The following BPIFC variants were observed in gnomAD, a reference collection of about 807,000 sequenced individuals.
BPIFC encodes BPI fold containing family C, also known as BPI fold-containing family C protein.
A neutral mutation model predicts 57.6 loss-of-function variants in BPIFC; 60 were observed. That is an observed-to-expected ratio of 1.04 (90% CI 0.85 to 1.29). The LOEUF (loss-of-function observed/expected upper bound fraction) is 1.29. Ranked by LOEUF, BPIFC falls within the 50% of genes most tolerant of loss-of-function variation. The pLI is 0.00. For missense variants in BPIFC, 581 were observed against 600.5 expected (o/e 0.97, Z 0.34); for synonymous variants, 243 against 224.5 (o/e 1.08, Z -0.74).
intron 15 of BPIFC, among the ~76,000 whole-genome samples, chr22:32,416,772 C>A (rs932660849): frequency 6.6e-6 from 1 of 152,132 alleles, no homozygotes; most frequent in Admixed American, 6.6e-5. Context: ...ATCTCGTTTC[C>A]GGTTGACTGG....
intron 13 of BPIFC, among the ~76,000 whole-genome samples, chr22:32,424,589 CTT>C (rs1933946174): frequency 1.1e-5 from 1 of 87,660 alleles, no homozygotes; most frequent in Non-Finnish European, 2.1e-5. Context: ...TCTTCTTCTT[CTT>C]CTTCTTCTTC....
intron 1 of BPIFC, among the ~76,000 whole-genome samples, chr22:32,462,123 T>C (rs146965412): frequency 0.04 from 5,410 of 136,818 alleles, 346 homozygotes; most frequent in African/African-American, 0.14. Context: ...TGAGCCAAGA[T>C]TGTGCCACTG....
intron 15 of BPIFC, among the ~76,000 whole-genome samples, chr22:32,416,410 T>A (rs1365298863): frequency 6.6e-6 from 1 of 152,190 alleles, no homozygotes; most frequent in East Asian, 1.9e-4. Context: ...GTTGATCTTT[T>A]CATTCTCCCC....
chr22:32,445,252 G>A (rs761802724), intron 7 of BPIFC, among the ~76,000 whole-genome samples: 6 of 152,040 alleles, frequency 3.9e-5, no homozygotes, highest in African/African-American at 7.2e-5. Context: ...TTAATTAAAG[G>A]ATTGGCCAGG....
intron 12 of BPIFC, 25 bp from the exon 13 acceptor site, chr22:32,431,439 A>ATTTATTTATTTTTATTTTTTTTTTTTT: frequency 7.4e-7 from 1 of 1,343,078 alleles, no homozygotes; most frequent in Non-Finnish European, 1.1e-6. Flanking sequence ...AGCATTTATT[A>ATTTATTTATTTTTATTTTTTTTTTTTT]TTAAGACGAG....
intron 14 of BPIFC, among the ~76,000 whole-genome samples, chr22:32,418,649 A>G (rs764455352): frequency 6.6e-6 from 1 of 152,206 alleles, no homozygotes; most frequent in African/African-American, 2.4e-5. Context: ...TCCGGGCTCA[A>G]TAAGTATTTA....
At chr22:32,419,234 G>A (rs1190539818) in intron 14 of BPIFC, 128 bp downstream of exon 14, 1 of 990,546 alleles carries the variant, frequency 1.0e-6, no homozygotes, top group Non-Finnish European at 1.5e-6. Flanking sequence ...GAATTTCAAA[G>A]TTAAGTCCTA....
At chr22:32,435,200 A>G (rs947666726) in intron 10 of BPIFC, among the ~76,000 whole-genome samples, 5 of 152,204 alleles carry the variant, frequency 3.3e-5, no homozygotes, top group Admixed American at 2.6e-4. Flanking sequence ...CAGGCAATAC[A>G]TGATGGAAAG....
rs372112331 is a variant in BPIFC, at chr22:32,429,661, C to T, written c.1217+1686G>A. On this transcript the variant is annotated intron_variant, in intron 13 of 16. Coordinates refer to ENST00000300399, the MANE Select transcript of BPIFC (RefSeq NM_174932.3). ...GCTCCCGAGTAGCTGGGATTACAGG[C>T]ACATGCTACCATGCCCGGCTAATTT... Among the ~76,000 whole-genome samples, 5 of 151,874 alleles carry T rather than the reference C, an allele frequency of 3.3e-5. No individual in the cohort carries two copies. In the East Asian group the frequency reaches 5.8e-4, roughly 18 times the overall value.
At chr22:32,452,842 C>G (rs964108297) in intron 4 of BPIFC, among the ~76,000 whole-genome samples, 9 of 152,162 alleles carry the variant, frequency 5.9e-5, no homozygotes, top group African/African-American at 2.2e-4. Context: ...ACCTTTAAGA[C>G]TGAGCTCCAG....
At chr22:32,457,204 T>G (rs1601486547) in intron 3 of BPIFC, 59 bp downstream of exon 3, 2 of 1,551,472 alleles carry the variant, frequency 1.3e-6, no homozygotes, top group East Asian at 4.6e-5. Context: ...CTGTTCAGTT[T>G]GGGTCACAGA....
chr22:32,448,705 C>T (rs1014149089), intron 4 of BPIFC, among the ~76,000 whole-genome samples: 4 of 151,542 alleles, frequency 2.6e-5, no homozygotes, highest in South Asian at 2.1e-4. Context: ...TTTGGGAGGC[C>T]GAGGCGGGCA....
At chr22:32,427,572 C>G (rs940310911) in intron 13 of BPIFC, among the ~76,000 whole-genome samples, 3 of 152,154 alleles carry the variant, frequency 2.0e-5, no homozygotes, top group Non-Finnish European at 4.4e-5. Flanking sequence ...CTGAGCATCA[C>G]GGTCCCGATG....
intron 13 of BPIFC, among the ~76,000 whole-genome samples, chr22:32,429,193 CTTTTCTTTTTTTCT>C (rs549237565): frequency 0.091 from 13,645 of 149,848 alleles, 684 homozygotes; most frequent in Middle Eastern, 0.17. Flanking sequence ...TTCCATGTTT[CTTTTCTTTTTTTCT>C]TTTTCTTTTT....
intron 9 of BPIFC, 36 bp from the exon 10 acceptor site, chr22:32,435,916 G>A: frequency 6.3e-7 from 1 of 1,578,378 alleles, no homozygotes; most frequent in Non-Finnish European, 8.6e-7. Context: ...AGTGTATCAG[G>A]TGAAAACTCA....
chr22:32,450,364 T>C (rs1008827799), intron 4 of BPIFC, among the ~76,000 whole-genome samples: 10 of 152,186 alleles, frequency 6.6e-5, no homozygotes, highest in Admixed American at 6.5e-5. Context: ...TAGGTTCGTG[T>C]AAATACACCG....
intron 13 of BPIFC, among the ~76,000 whole-genome samples, chr22:32,426,095 T>C (rs897863457): frequency 6.6e-6 from 1 of 152,194 alleles, no homozygotes; most frequent in African/African-American, 2.4e-5. Flanking sequence ...GATTTCTGTA[T>C]TTGCTGTCTA....
chr22:32,442,113 G>A (rs1366123791), intron 8 of BPIFC, among the ~76,000 whole-genome samples: 1 of 152,238 alleles, frequency 6.6e-6, no homozygotes, highest in Non-Finnish European at 1.5e-5. Flanking sequence ...GGAATGAAAG[G>A]ATGGAGGAGA....
rs546341797 is a variant in BPIFC at position 32,423,976 on chromosome 22, A to G, written c.1218-4572T>C. On this transcript the variant is annotated intron_variant, in intron 13 of 16. Coordinates refer to ENST00000300399, the MANE Select transcript of BPIFC (RefSeq NM_174932.3). Reference sequence around the variant, plus strand: ...GCTTTAAAAACCATCCTGACTTGTCATGTCTCTTGGGATCAGTTTCTCCCT... The same window carrying G: ...GCTTTAAAAACCATCCTGACTTGTCGTGTCTCTTGGGATCAGTTTCTCCCT... 7.1e-5 allele frequency among the ~76,000 whole-genome samples: 9 copies of G among 127,084 alleles called. No homozygotes were observed. In the South Asian group the frequency reaches 1.6e-3, roughly 22 times the overall value. The allele number at this position is 127,084 out of a possible 152,430, so 83.4% of individuals were successfully genotyped here.
Sources: gnomAD v4.1 joint callset for allele counts (sites outside exome capture counted in the v4.1 genomes callset) on GRCh38, gnomAD v4.1.1 for gene constraint, MANE v1.5 for transcripts, NCBI Gene and HGNC (gene_info 2026-07-23, HGNC 2026-07-21) for gene names.